Variants in PTPRD observed in about 807,000 individuals in gnomAD.
The protein encoded by PTPRD is receptor-type tyrosine-protein phosphatase delta.
In PTPRD, 34 loss-of-function variants were observed where a neutral mutation model predicts 214.5. That is an observed-to-expected ratio of 0.16 (90% CI 0.12 to 0.21). The LOEUF is 0.21. PTPRD is among the 10% of genes least tolerant of loss of function. The pLI is 1.00. For missense variants in PTPRD, 2,545 were observed against 2,398.7 expected (o/e 1.06, Z -1.27); for synonymous variants, 1,128 against 845.7 (o/e 1.33, Z -5.79).
chr9:9,243,387 C>A (rs1311724002), intron 9 of PTPRD, among the ~76,000 whole-genome samples: 2 of 152,030 alleles, frequency 1.3e-5, no homozygotes, highest in Admixed American at 1.3e-4. Flanking sequence ...TGCAAAAATC[C>A]TCAACAAAAT....
At chr9:10,593,699 G>A (rs1347136782) in intron 2 of PTPRD, among the ~76,000 whole-genome samples, 3 of 151,836 alleles carry the variant, frequency 2.0e-5, no homozygotes, top group Admixed American at 1.3e-4. Context: ...AATTTTGGCA[G>A]ACAACATTTT....
chr9:8,374,172 G>A (rs1183990671), intron 39 of PTPRD, among the ~76,000 whole-genome samples: 1 of 150,412 alleles, frequency 6.6e-6, no homozygotes, highest in Non-Finnish European at 1.5e-5. Context: ...TTTGCCATTA[G>A]GCATATAAGG....
At chr9:8,406,882 C>A (rs2093034981) in intron 35 of PTPRD, among the ~76,000 whole-genome samples, 1 of 152,178 alleles carries the variant, frequency 6.6e-6, no homozygotes, top group Admixed American at 6.6e-5. Context: ...GCTTCTTACA[C>A]ATCATTTAAA....
At chr9:9,916,944 A>G (rs1182595508) in intron 5 of PTPRD, among the ~76,000 whole-genome samples, 2 of 151,920 alleles carry the variant, frequency 1.3e-5, no homozygotes, top group East Asian at 3.9e-4. Flanking sequence ...TGGAAATTAA[A>G]CAACATGTTC....
intron 2 of PTPRD, among the ~76,000 whole-genome samples, chr9:10,538,936 AC>A (rs1351662661): frequency 6.6e-6 from 1 of 152,040 alleles, no homozygotes; most frequent in Non-Finnish European, 1.5e-5. Context: ...AACTTCTAAT[AC>A]TCCAGTTACA....
chr9:8,446,624 A>G (rs2095738946), intron 34 of PTPRD, among the ~76,000 whole-genome samples: 1 of 152,144 alleles, frequency 6.6e-6, no homozygotes, highest in South Asian at 2.1e-4. Context: ...CTAATTCTCT[A>G]CTTATGTATA....
intron 3 of PTPRD, among the ~76,000 whole-genome samples, chr9:10,076,700 C>T (rs1023485395): frequency 1.3e-5 from 2 of 152,048 alleles, no homozygotes; most frequent in African/African-American, 4.8e-5. Flanking sequence ...CTGAGCATGC[C>T]CCTTGTGCTG....
intron 7 of PTPRD, among the ~76,000 whole-genome samples, chr9:9,653,348 C>CAAAAAAAAAAAA (rs1175875551): frequency 1.8e-4 from 6 of 32,504 alleles, no homozygotes; most frequent in Non-Finnish European, 2.8e-4. Flanking sequence ...GACTCCGTCT[C>CAAAAAAAAAAAA]AAAAAAAAAA....
chr9:8,998,847 G>A (rs1241411540), intron 11 of PTPRD, among the ~76,000 whole-genome samples: 12 of 152,144 alleles, frequency 7.9e-5, no homozygotes, highest in Admixed American at 2.6e-4. Flanking sequence ...ATGGAATTTG[G>A]AAGAAGTTGA....
intron 2 of PTPRD, among the ~76,000 whole-genome samples, chr9:10,500,246 G>A (rs967483685): frequency 7.3e-5 from 11 of 151,718 alleles, no homozygotes; most frequent in African/African-American, 2.7e-4. Flanking sequence ...TGCATTCAAA[G>A]ATGGCCTATC....
chr9:8,667,045 A>G (rs2097184106), intron 12 of PTPRD, among the ~76,000 whole-genome samples: 1 of 152,186 alleles, frequency 6.6e-6, no homozygotes, highest in Non-Finnish European at 1.5e-5. Context: ...CCAGTTTGAA[A>G]CAAAACCAGA....
intron 36 of PTPRD, among the ~76,000 whole-genome samples, chr9:8,403,282 A>C (rs2092631784): frequency 6.6e-6 from 1 of 152,216 alleles, no homozygotes; most frequent in Non-Finnish European, 1.5e-5. Context: ...TCAACTATAA[A>C]GTCCTTAAAA....
In PTPRD at chr9:9,981,124, C is replaced by T. The variant is rs555505459; in HGVS notation, c.-471-42514G>A. On this transcript the variant is annotated intron_variant, in intron 4 of 45. Coordinates refer to ENST00000381196, the MANE Select transcript of PTPRD (RefSeq NM_002839.4). The stretch of plus-strand genomic sequence containing the variant: ...GTTATTATTTTTTAGTGGAGGAATT[C>T]GTAGCAAACTAAACATCTAATACAA... Among the ~76,000 whole-genome samples, 11 of 152,138 alleles carry T rather than the reference C, an allele frequency of 7.2e-5. No homozygotes were observed. The South Asian group carries it at 1.5e-3, about 20-fold the overall frequency.
At chr9:10,089,674 T>C (rs1285248792) in intron 3 of PTPRD, among the ~76,000 whole-genome samples, 3 of 151,702 alleles carry the variant, frequency 2.0e-5, no homozygotes, top group Non-Finnish European at 1.5e-5. Context: ...TCCAAGCCAA[T>C]TGAACTACTA....
At chr9:8,675,726 T>C (rs2097397153) in intron 12 of PTPRD, among the ~76,000 whole-genome samples, 1 of 152,006 alleles carries the variant, frequency 6.6e-6, no homozygotes, top group South Asian at 2.1e-4. Flanking sequence ...TAGACAGATC[T>C]TATCTCCATC....
rs75925456 is a variant in PTPRD, at chr9:9,706,500, C to A, written c.-287+28033G>T. 7.4e-3 allele frequency among the ~76,000 whole-genome samples: 1,114 copies of A among 151,504 alleles called. 16 individuals are homozygous for A. The highest frequency in any genetic ancestry group is 0.026 in the African/African-American group (1,061 of 41,256). ...GGTCTCACAGGCTGGAGTGCAATGA[C>A]ACAATCTTGGCTCACTGCAACCTCC... is the stretch of plus-strand genomic sequence containing the variant. On this transcript the variant is annotated intron_variant, in intron 7 of 45. Coordinates refer to ENST00000381196, the MANE Select transcript of PTPRD (RefSeq NM_002839.4).
intron 3 of PTPRD, among the ~76,000 whole-genome samples, chr9:10,193,689 C>T (rs1015535912): frequency 6.6e-6 from 1 of 152,132 alleles, no homozygotes; most frequent in African/African-American, 2.4e-5. Context: ...TCTATTAGCA[C>T]TTCTTCTTGT....
chr9:9,504,840 T>C (rs2096533453), intron 8 of PTPRD, among the ~76,000 whole-genome samples: 1 of 151,726 alleles, frequency 6.6e-6, no homozygotes, highest in Non-Finnish European at 1.5e-5. Flanking sequence ...AAATCAGTTA[T>C]ATTTCTTTAC....
intron 21 of PTPRD, among the ~76,000 whole-genome samples, chr9:8,507,998 A>T (rs1209989540): frequency 6.6e-6 from 1 of 152,164 alleles, no homozygotes; most frequent in East Asian, 1.9e-4. Flanking sequence ...GAAAGGAAAA[A>T]CAAAACAAAA....
Sources: allele counts gnomAD v4.1 joint callset (sites outside exome capture counted in the v4.1 genomes callset), GRCh38; gene constraint gnomAD v4.1.1; transcripts MANE v1.5; gene names NCBI Gene and HGNC (gene_info 2026-07-23, HGNC 2026-07-21).